The following OPCML variants were observed in gnomAD, a reference collection of about 807,000 sequenced individuals.
OPCML encodes the protein opioid-binding protein/cell adhesion molecule.
OPCML carries 13 observed loss-of-function variants against 37.8 expected under a neutral mutation model. That is an observed-to-expected ratio of 0.34 (90% CI 0.22 to 0.55). The LOEUF (loss-of-function observed/expected upper bound fraction) is 0.55, where lower values mean the gene tolerates loss of function less well. Ranked by LOEUF, OPCML falls within the 20% of genes least tolerant of loss-of-function variation. The pLI is 0.91. For missense variants in OPCML, 341 were observed against 435.6 expected, an observed-to-expected ratio of 0.78 and a Z score of 1.93; for synonymous variants, 176 against 168.8, an observed-to-expected ratio of 1.04 and a Z score of -0.33.
chr11:132,554,863 G>GTTTTTTTTTTTTTTTTTTTTTTTTT (rs5795789), intron 3 of OPCML, among the ~76,000 whole-genome samples: 43 of 64,024 alleles, frequency 6.7e-4, no homozygotes, highest in South Asian at 1.8e-3. Context: ...ATGGGGTAAA[G>GTTTTTTTTTTTTTTTTTTTTTTTTT]TTTTTTTTTT....
intron 2 of OPCML, among the ~76,000 whole-genome samples, chr11:132,918,482 A>T (rs1035490085): frequency 2.6e-5 from 4 of 152,230 alleles, no homozygotes; most frequent in African/African-American, 9.6e-5. Flanking sequence ...TAAAATTGGA[A>T]TCATACAGCG....
chr11:132,705,780 T>A (rs1944009271), intron 2 of OPCML, among the ~76,000 whole-genome samples: 1 of 151,936 alleles, frequency 6.6e-6, no homozygotes, highest in South Asian at 2.1e-4. Context: ...ACCTATTAAA[T>A]CTTTTTTCTA....
chr11:132,942,101 T>C (rs1282782352), intron 2 of OPCML, among the ~76,000 whole-genome samples: 5 of 152,182 alleles, frequency 3.3e-5, no homozygotes, highest in African/African-American at 1.2e-4. Flanking sequence ...CAGAACTGCC[T>C]CATTAAAGGG....
rs1018399371 is a variant in OPCML, at chr11:133,174,567, T to C, written c.62-231557A>G. Among the ~76,000 whole-genome samples, 6 of 150,442 alleles carry C rather than the reference T, an allele frequency of 4.0e-5. No homozygotes were observed. The highest frequency in any genetic ancestry group is 2.6e-4 in the Admixed American group (4 of 15,110). On this transcript the variant is annotated intron_variant, in intron 1 of 7. Coordinates refer to ENST00000524381, the MANE Select transcript of OPCML (RefSeq NM_001012393.5). This position sits in a 1 kb window ranked among gnomAD's most constrained non-coding sequence, Gnocchi z 4.6. ...CATACCCAAAAATAGTCGAAAAGAG[T>C]TGTACTCTATCTATACAGTAAGTAT...
chr11:133,302,210 T>G (rs1942797647), intron 1 of OPCML: 1 of 152,148 alleles, frequency 6.6e-6, no homozygotes, highest in Admixed American at 6.5e-5. Flanking sequence ...AATCCCCTCA[T>G]TTCCAGGGCA....
chr11:132,766,783 G>A (rs1946460134), intron 2 of OPCML, among the ~76,000 whole-genome samples: 1 of 151,908 alleles, frequency 6.6e-6, no homozygotes, highest in Non-Finnish European at 1.5e-5. Context: ...TGTGTGATCT[G>A]GTACCAGATC....
intron 2 of OPCML, among the ~76,000 whole-genome samples, chr11:132,848,771 T>G (rs1223234152): frequency 6.6e-6 from 1 of 152,254 alleles, no homozygotes; most frequent in East Asian, 1.9e-4. Context: ...TCTCATCAGC[T>G]GTTGATCTGA....
chr11:132,759,882 G>C (rs760667933), intron 2 of OPCML, among the ~76,000 whole-genome samples: 1 of 151,978 alleles, frequency 6.6e-6, no homozygotes, highest in Non-Finnish European at 1.5e-5. Context: ...TCTTTTAATT[G>C]TGATATGAGG....
chr11:133,150,686 C>T (rs558990829), intron 1 of OPCML, among the ~76,000 whole-genome samples: 1 of 152,058 alleles, frequency 6.6e-6, no homozygotes, highest in African/African-American at 2.4e-5. Context: ...GCAAAGGTGC[C>T]CTGGCATCTT....
chr11:133,018,821 A>C (rs956788124), intron 1 of OPCML, among the ~76,000 whole-genome samples: 2 of 152,220 alleles, frequency 1.3e-5, no homozygotes, highest in African/African-American at 4.8e-5. Context: ...AACATGCCTC[A>C]AAGGCGGCCG....
chr11:133,118,180 G>T, intron 1 of OPCML: 1 of 952,502 alleles, frequency 1.0e-6, no homozygotes, highest in Non-Finnish European at 1.2e-6. Context: ...TGGTAGTGCA[G>T]TGCCTGTTTC....
intron 2 of OPCML, among the ~76,000 whole-genome samples, chr11:132,846,221 G>C (rs778436936): frequency 6.6e-6 from 1 of 152,068 alleles, no homozygotes; most frequent in Non-Finnish European, 1.5e-5. Flanking sequence ...TACAGCCAAG[G>C]GCCTCATTGT....
At chr11:132,900,553 C>T in intron 2 of OPCML, among the ~76,000 whole-genome samples, 1 of 152,180 alleles carries the variant, frequency 6.6e-6, no homozygotes, top group Admixed American at 6.5e-5. Flanking sequence ...TCATTCTCCC[C>T]TCAGCCCAGC....
intron 1 of OPCML, among the ~76,000 whole-genome samples, chr11:132,999,502 T>C (rs1456793092): frequency 1.3e-5 from 2 of 150,666 alleles, no homozygotes; most frequent in African/African-American, 5.0e-5. Flanking sequence ...AAAATCACTT[T>C]AGAGGGAGCT....
chr11:132,590,661 T>A (rs1399139311), intron 3 of OPCML, among the ~76,000 whole-genome samples: 2 of 152,120 alleles, frequency 1.3e-5, no homozygotes, highest in African/African-American at 4.8e-5. Context: ...TTTTCGTGAC[T>A]CCAAAGACTC....
chr11:132,845,274 C>T (rs1436457170), intron 2 of OPCML, among the ~76,000 whole-genome samples: 1 of 152,042 alleles, frequency 6.6e-6, no homozygotes, highest in Non-Finnish European at 1.5e-5. Context: ...GCAAGTAGAA[C>T]AGCCCTGCAT....
At chr11:132,536,083 A>C (rs1483815861) in intron 3 of OPCML, among the ~76,000 whole-genome samples, 1 of 152,116 alleles carries the variant, frequency 6.6e-6, no homozygotes, top group Non-Finnish European at 1.5e-5. Flanking sequence ...CGCAAGGGGC[A>C]CCTGTTCTGT....
intron 1 of OPCML, among the ~76,000 whole-genome samples, chr11:133,122,629 G>A (rs73594487): frequency 0.074 from 11,284 of 152,008 alleles, 526 homozygotes; most frequent in Middle Eastern, 0.13. Context: ...GAGCCACCTG[G>A]GCACCTTTTT....
At chr11:133,196,909 T>C (rs116564338) in intron 1 of OPCML, among the ~76,000 whole-genome samples, 25 of 152,312 alleles carry the variant, frequency 1.6e-4, no homozygotes, top group African/African-American at 5.8e-4. Flanking sequence ...CAGGCGCAAT[T>C]CTGTGTACAA....
Sources: gnomAD v4.1 joint callset for allele counts (sites outside exome capture counted in the v4.1 genomes callset) on GRCh38, gnomAD v4.1.1 for gene constraint, Gnocchi (gnomAD v3.1) non-coding constraint, MANE v1.5 for transcripts, NCBI Gene and HGNC (gene_info 2026-07-23, HGNC 2026-07-21) for gene names.